SLC26A4: variants seen among roughly 807,000 people sequenced by gnomAD.
SLC26A4 encodes the protein pendrin.
A neutral mutation model predicts 90.4 loss-of-function variants in SLC26A4; 93 were observed. The observed-to-expected ratio is 1.03, with a 90% CI of 0.87 to 1.22. The LOEUF is 1.22. Among genes scored for constraint, SLC26A4 ranks in the 50% most tolerant of loss-of-function variants. SLC26A4 has a pLI of 0.00. For missense variants in SLC26A4, 1,127 were observed against 946.2 expected, an observed-to-expected ratio of 1.19 and a Z score of -2.51; for synonymous variants, 393 against 354.6, an observed-to-expected ratio of 1.11 and a Z score of -1.22.
chr7:107,693,435 C>T (rs936131354), intron 10 of SLC26A4: 1 of 985,286 alleles, frequency 1.0e-6, no homozygotes, highest in African/African-American at 1.7e-5. Flanking sequence ...GTGTCTGTCT[C>T]CCGTAACTCA....
Position 107,699,699 on chromosome 7 carries a change from C to T in SLC26A4, c.1615-384C>T, listed in dbSNP as rs1159192341. ...ATCCCAGCACTTTGGGAGGCTGAGG[C>T]GGGTGAATCACTTGAGGTCAGGAGT... On this transcript the variant is annotated intron_variant, in intron 14 of 20. Transcript: ENST00000644269. Among the ~76,000 whole-genome samples the T allele has an allele frequency of 1.2e-4, 18 of 152,104 alleles. No individual in the cohort carries two copies. The South Asian group carries it at 1.2e-3, about 11-fold the overall frequency.
rs1218176166 is a variant in SLC26A4 at position 107,717,714 on chromosome 7, A to C, written c.*2268A>C. 1 of 152,700 alleles carries C rather than the reference A, an allele frequency of 6.5e-6. No individual in the cohort carries two copies. Among genetic ancestry groups the C allele is most frequent in the Non-Finnish European group, 1.5e-5 (1 of 68,048 alleles). 9.5% of individuals were successfully genotyped at this position (152,700 alleles called of 1,614,324 possible). The stretch of plus-strand genomic sequence containing the variant: ...GTATATGAGTTTTAACAAATTAAAA[A>C]ATCAAATCATGTACATTTGAAAATA... On this transcript the variant is annotated 3_prime_UTR_variant, in exon 21 of 21. Coordinates refer to ENST00000644269, the MANE Select transcript of SLC26A4 (RefSeq NM_000441.2).
chr7:107,710,276 T>C lies in SLC26A4; in HGVS notation c.2235+77T>C, dbSNP rs1375988088. The C allele has an allele frequency of 2.7e-6, 3 of 1,091,214 alleles. No individual in the cohort carries two copies. In the African/African-American group the frequency reaches 4.6e-5, roughly 17 times the overall value. The allele number at this position is 1,091,214 out of a possible 1,614,324, so 67.6% of individuals were successfully genotyped here. A position where few individuals can be genotyped will look rare whatever the true frequency, so the allele number is the denominator to read the frequency against. On this transcript the variant is annotated intron_variant, in intron 19 of 20. Transcript: ENST00000644269. ...CTATAAATGGCAAACATTACACAAG[T>C]CTAGTCTAGCTGTTGAATTTTAAGC... is the stretch of plus-strand genomic sequence containing the variant.
rs754061255 is a variant in SLC26A4 at position 107,715,487 on chromosome 7, C to A, written c.*41C>A. The stretch of plus-strand genomic sequence containing the variant: ...GTCTCTATGAGCAAGGAATACAAGA[C>A]AAAACTTCCTCAATGCATTGACTAT... On this transcript the variant is annotated 3_prime_UTR_variant, in exon 21 of 21. Coordinates refer to ENST00000644269, the MANE Select transcript of SLC26A4 (RefSeq NM_000441.2). 1.3e-6 allele frequency: 2 copies of A among 1,502,898 alleles called. No individual in the cohort carries two copies. Among genetic ancestry groups the A allele is most frequent in the South Asian group, 2.3e-5 (2 of 88,866 alleles). The allele number at this position is 1,502,898 out of a possible 1,614,324, so 93.1% of individuals were successfully genotyped here. A position where few individuals can be genotyped will look rare whatever the true frequency, so the allele number is the denominator to read the frequency against.
chr7:107,682,427 T>A (rs891377278), intron 6 of SLC26A4, among the ~76,000 whole-genome samples: 2 of 152,156 alleles, frequency 1.3e-5, no homozygotes, highest in East Asian at 1.9e-4. Context: ...TCAAATTTTT[T>A]AAATAAAACA....
At chr7:107,677,427 A>T (rs1033822841) in intron 6 of SLC26A4, among the ~76,000 whole-genome samples, 1 of 152,126 alleles carries the variant, frequency 6.6e-6, no homozygotes, top group Non-Finnish European at 1.5e-5. Flanking sequence ...TCTGTCACAT[A>T]GTAAGAATTG....
rs2129319941 is a variant in SLC26A4 at position 107,710,157 on chromosome 7, C to CA, written c.2193_2194insA (p.Gln732ThrfsTer22). 6.2e-7 allele frequency: 1 copy of CA among 1,608,448 alleles called. No individual in the cohort carries two copies. Among genetic ancestry groups the CA allele is most frequent in the Admixed American group, 1.7e-5 (1 of 59,998 alleles). ...ATGATGCTATACTCTATCTACAGAA[C>CA]CAAGTGAAATCTCAAGAGGGTCAAG... On this transcript the variant is annotated frameshift_variant, in exon 19 of 21. Coordinates refer to ENST00000644269, the MANE Select transcript of SLC26A4 (RefSeq NM_000441.2). LOFTEE classifies it high-confidence loss of function.
intron 5 of SLC26A4, 122 bp downstream of exon 5, chr7:107,674,470 A>G (rs1790966976): frequency 2.4e-6 from 2 of 841,536 alleles, no homozygotes; most frequent in Non-Finnish European, 3.8e-6. Flanking sequence ...ACCCAAAATT[A>G]TTTTCTAAAT....
At chr7:107,671,677 T>C (rs1413297066) in intron 3 of SLC26A4, among the ~76,000 whole-genome samples, 2 of 152,230 alleles carry the variant, frequency 1.3e-5, no homozygotes, top group Non-Finnish European at 2.9e-5. Context: ...CTGTTGAAAC[T>C]GTAAATTGAG....
intron 8 of SLC26A4, among the ~76,000 whole-genome samples, chr7:107,686,174 A>G (rs1458751610): frequency 6.6e-6 from 1 of 151,330 alleles, no homozygotes; most frequent in African/African-American, 2.4e-5. Flanking sequence ...TTTAATCCCT[A>G]TTCACTGTCT....
At chr7:107,687,079 G>A (rs557264754) in intron 8 of SLC26A4, among the ~76,000 whole-genome samples, 2 of 152,104 alleles carry the variant, frequency 1.3e-5, no homozygotes, top group Non-Finnish European at 2.9e-5. Context: ...TGTTTATGAC[G>A]CTGGCCTGTC....
chr7:107,662,079 C>A, intron 2 of SLC26A4: 1 of 533,698 alleles, frequency 1.9e-6, no homozygotes, highest in Non-Finnish European at 3.3e-6. Flanking sequence ...TCTCTTTTTC[C>A]TCTCTGAAGG....
At chr7:107,673,811 C>T (rs1790938820) in intron 4 of SLC26A4, among the ~76,000 whole-genome samples, 1 of 152,162 alleles carries the variant, frequency 6.6e-6, no homozygotes, top group African/African-American at 2.4e-5. Context: ...TCACTGCAGC[C>T]TCCACCTCCC....
In SLC26A4 at chr7:107,715,435, C is replaced by T. The variant is rs1338540697; in HGVS notation, c.2332C>T (p.Leu778Phe). 5.0e-6 allele frequency: 8 copies of T among 1,613,446 alleles called. No homozygotes were observed. The highest frequency in any genetic ancestry group is 5.9e-6 in the Non-Finnish European group (7 of 1,179,408). ...LDVQDEAMRT[L>F]AS ...CTTGCTTCCACAGGCTATGCGTACA[C>T]TTGCATCCTGAAAGTGGGTTCGGGA... The change falls in exon 21 of 21, where the codon CTT (leucine) becomes TTT (phenylalanine). Residue 778 changes from leucine to phenylalanine, a missense_variant. Leu to Phe is a conservative substitution (Grantham distance 22). Coordinates refer to ENST00000644269, the MANE Select transcript of SLC26A4 (RefSeq NM_000441.2).
chr7:107,690,325 A>G, intron 10 of SLC26A4, 88 bp downstream of exon 10: 1 of 843,892 alleles, frequency 1.2e-6, no homozygotes, highest in Non-Finnish European at 2.1e-6. Context: ...TTAGCAGGAC[A>G]ATTTGCCTTT....
In SLC26A4 at chr7:107,661,705, G is replaced by C. The variant is rs1282238542; in HGVS notation, c.64G>C (p.Val22Leu). 1.1e-5 allele frequency: 18 copies of C among 1,570,290 alleles called. No individual in the cohort carries two copies. The highest frequency in any genetic ancestry group is 1.5e-5 in the Non-Finnish European group (17 of 1,161,768). The change falls in exon 2 of 21, where the codon GTG becomes CTG. Residue 22 changes from valine (V) to leucine (L), a missense_variant. By Grantham distance (32) the Val-to-Leu change is conservative (BLOSUM62 1). Coordinates refer to ENST00000644269, the MANE Select transcript of SLC26A4 (RefSeq NM_000441.2). The surrounding 1 kb of genome is among the most constrained non-coding windows in gnomAD (Gnocchi z 5.1). The part of the protein sequence containing the change: ...QLPEYSCSYM[V>L]SRPVYSELAF... ...CCCCGAGTACAGCTGCAGCTACATG[G>C]TGTCGCGGCCGGTCTACAGCGAGCT...
chr7:107,700,773 C>T (rs907475758), intron 15 of SLC26A4, among the ~76,000 whole-genome samples: 1 of 152,164 alleles, frequency 6.6e-6, no homozygotes, highest in African/African-American at 2.4e-5. Flanking sequence ...ACAGATTTTG[C>T]AATAACAAAA....
chr7:107,688,052 G>A (rs746023596), intron 8 of SLC26A4, among the ~76,000 whole-genome samples: 3 of 152,132 alleles, frequency 2.0e-5, no homozygotes, highest in Non-Finnish European at 2.9e-5. Context: ...GTAGGAAATC[G>A]TCTAATATCT....
Position 107,701,118 on chromosome 7 carries a change from T to A in SLC26A4, c.1725T>A (p.Ile575=). The A allele has an allele frequency of 6.2e-7, 1 of 1,606,510 alleles. No homozygotes were observed. Among genetic ancestry groups the A allele is most frequent in the Non-Finnish European group, 8.5e-7 (1 of 1,173,118 alleles). The stretch of plus-strand genomic sequence containing the variant: ...TTCCAAAGGTTGGATTTGATGCCAT[T>A]AGAGTATATAATAAGAGGCTGAAAG... ...CIKSTVGFDA[I]RVYNKRLKAL... Residue 575 remains isoleucine, a synonymous_variant, in exon 16 of 21, where the codon ATT becomes ATA. Transcript: ENST00000644269.
Sources: gnomAD v4.1 joint callset for allele counts (sites outside exome capture counted in the v4.1 genomes callset) on GRCh38, gnomAD v4.1.1 for gene constraint, Gnocchi (gnomAD v3.1) non-coding constraint, MANE v1.5 for transcripts, NCBI Gene and HGNC (gene_info 2026-07-23, HGNC 2026-07-21) for gene names.